The following BMP7 variants were observed in gnomAD, a reference collection of about 807,000 sequenced individuals.
BMP7 encodes the protein bone morphogenetic protein 7.
In BMP7, 12 loss-of-function variants were observed where a neutral mutation model predicts 41.2. The observed-to-expected ratio is 0.29, with a 90% CI of 0.19 to 0.47. The LOEUF (loss-of-function observed/expected upper bound fraction) is 0.47, where lower values mean the gene tolerates loss of function less well. Ranked by LOEUF, BMP7 falls within the 20% of genes least tolerant of loss-of-function variation. BMP7 has a pLI of 0.99. For synonymous variants in BMP7, 248 were observed against 250.0 expected (o/e 0.99, Z 0.07); for missense variants, 467 against 606.0 (o/e 0.77, Z 2.41).
intron 2 of BMP7, among the ~76,000 whole-genome samples, chr20:57,219,655 CAG>C (rs1448040161): frequency 1.3e-5 from 2 of 152,296 alleles, no homozygotes; most frequent in East Asian, 3.9e-4. Flanking sequence ...CCTCAAATGA[CAG>C]GGTATAAACA....
intron 4 of BMP7, among the ~76,000 whole-genome samples, chr20:57,179,710 A>G (rs1984030952): frequency 6.6e-6 from 1 of 152,174 alleles, no homozygotes; most frequent in African/African-American, 2.4e-5. Flanking sequence ...AGGCGTACAC[A>G]CTCACACTCA....
intron 1 of BMP7, among the ~76,000 whole-genome samples, chr20:57,230,193 C>G (rs1024731617): frequency 6.6e-6 from 1 of 152,160 alleles, no homozygotes; most frequent in Non-Finnish European, 1.5e-5. Context: ...ACGCCCCTCA[C>G]GCCCACAAGG....
chr20:57,218,914 CTAG>C (rs1985110629), intron 2 of BMP7, among the ~76,000 whole-genome samples: 1 of 128,224 alleles, frequency 7.8e-6, no homozygotes, highest in African/African-American at 3.0e-5. Context: ...TTGGTGGTAG[CTAG>C]TGTTTGTTCA....
At chr20:57,238,790 A>G (rs765109119) in intron 1 of BMP7, among the ~76,000 whole-genome samples, 5 of 152,126 alleles carry the variant, frequency 3.3e-5, no homozygotes, top group Non-Finnish European at 5.9e-5. Context: ...CACTTCTTAC[A>G]TGGCAGCAGC....
In BMP7 at chr20:57,244,834, C is replaced by T. The variant is rs556987197; in HGVS notation, c.419-16413G>A. On this transcript the variant is annotated intron_variant, in intron 1 of 6. Coordinates refer to ENST00000395863, the MANE Select transcript of BMP7 (RefSeq NM_001719.3). ...GGAGGAGCCTGCTCAGACCTTCCCCCCAGAGCAGCCAGAGAGGCTTGGGTC... is the reference window on the plus strand; with the variant it reads ...GGAGGAGCCTGCTCAGACCTTCCCCTCAGAGCAGCCAGAGAGGCTTGGGTC... Among the ~76,000 whole-genome samples, 14 of 152,326 alleles carry T rather than the reference C, an allele frequency of 9.2e-5. 1 individual carries two copies. In the South Asian group the frequency reaches 2.3e-3, roughly 25 times the overall value.
chr20:57,183,656 C>A, intron 4 of BMP7, 66 bp downstream of exon 4: 1 of 1,601,334 alleles, frequency 6.2e-7, no homozygotes, highest in Non-Finnish European at 8.5e-7. Flanking sequence ...CAGTCTCCTG[C>A]CGGGTCCCGC....
At chr20:57,241,919 G>A (rs541703444) in intron 1 of BMP7, among the ~76,000 whole-genome samples, 1 of 152,190 alleles carries the variant, frequency 6.6e-6, no homozygotes, top group Non-Finnish European at 1.5e-5. Flanking sequence ...CTCTAGAGCT[G>A]AGGCCAGTTC....
intron 4 of BMP7, 77 bp from the exon 5 acceptor site, chr20:57,175,084 T>C: frequency 7.0e-7 from 1 of 1,436,058 alleles, no homozygotes. Flanking sequence ...TCCCTCCATC[T>C]TAGGCAGTGA....
At chr20:57,262,650 G>A (rs957835219) in intron 1 of BMP7, among the ~76,000 whole-genome samples, 2 of 151,648 alleles carry the variant, frequency 1.3e-5, no homozygotes, top group East Asian at 1.9e-4. Flanking sequence ...CACGCAGGCC[G>A]CCTGCCTGCA....
intron 1 of BMP7, among the ~76,000 whole-genome samples, chr20:57,262,286 G>A (rs575157990): frequency 1.3e-5 from 2 of 152,264 alleles, no homozygotes; most frequent in East Asian, 3.9e-4. Context: ...AAGAGGAGTC[G>A]GGGTTGTTAA....
At chr20:57,173,420 A>G (rs1258993255) in intron 5 of BMP7, 110 bp from the exon 6 acceptor site, 87 of 1,064,382 alleles carry the variant, frequency 8.2e-5, no homozygotes, top group Non-Finnish European at 2.4e-5. Context: ...CCAAGGTGGA[A>G]GCCTCAGACC....
At chr20:57,181,851 C>A (rs1390884017) in intron 4 of BMP7, among the ~76,000 whole-genome samples, 4 of 152,236 alleles carry the variant, frequency 2.6e-5, no homozygotes, top group Admixed American at 6.5e-5. Flanking sequence ...CTACACAGAG[C>A]CCGCGTATTG....
At chr20:57,232,600 T>C (rs2066033429) in intron 1 of BMP7, among the ~76,000 whole-genome samples, 1 of 152,208 alleles carries the variant, frequency 6.6e-6, no homozygotes, top group South Asian at 2.1e-4. Flanking sequence ...GAACTGTATC[T>C]TAACTGTTAA....
intron 6 of BMP7, among the ~76,000 whole-genome samples, chr20:57,172,004 G>A (rs932332016): frequency 6.6e-6 from 1 of 152,140 alleles, no homozygotes; most frequent in Non-Finnish European, 1.5e-5. Context: ...GACCACAATC[G>A]CATCATTTCA....
At chr20:57,198,366 G>T (rs1394342616) in intron 3 of BMP7, among the ~76,000 whole-genome samples, 1 of 151,882 alleles carries the variant, frequency 6.6e-6, no homozygotes, top group Non-Finnish European at 1.5e-5. Flanking sequence ...GCACAGCCTG[G>T]GGGCTGGAAC....
At position 57,224,455 on chromosome 20, in the gene BMP7, T is replaced by C. The variant is rs2123113615; in HGVS notation, c.611+3774A>G. On this transcript the variant is annotated intron_variant, in intron 2 of 6. Transcript: ENST00000395863. The surrounding 1 kb of genome is among the most constrained non-coding windows in gnomAD (Gnocchi z 4.8). ...CTACATGTGGGGCAGCGCTGTGGAG[T>C]GGGGCAAGCCTGACACATGCTCAAG... The C allele has an allele frequency of 6.6e-6, 1 of 151,838 alleles. No individual in the cohort carries two copies. The highest frequency in any genetic ancestry group is 3.4e-3 in the Middle Eastern group (1 of 294). The allele number at this position is 151,838 out of a possible 1,614,324, so 9.4% of individuals were successfully genotyped here. A position where few individuals can be genotyped will look rare whatever the true frequency, so the allele number is the denominator to read the frequency against.
rs1230053707 is a variant in BMP7 at position 57,213,692 on chromosome 20, C to CT, written c.612-11070dup. The stretch of plus-strand genomic sequence containing the variant: ...CAGGGGGTGAGAGGCCCGGAATCCT[C>CT]TTTGTGATGAAATCCCCAGAGTGGT... On this transcript the variant is annotated intron_variant, in intron 2 of 6. Coordinates refer to ENST00000395863, the MANE Select transcript of BMP7 (RefSeq NM_001719.3). The surrounding 1 kb of genome is among the most constrained non-coding windows in gnomAD (Gnocchi z 4.4). Among the ~76,000 whole-genome samples, 2 of 152,208 alleles carry CT rather than the reference C, an allele frequency of 1.3e-5. No homozygotes were observed. The highest frequency in any genetic ancestry group is 6.5e-5 in the Admixed American group (1 of 15,286).
chr20:57,246,054 C>G (rs373511340), intron 1 of BMP7, among the ~76,000 whole-genome samples: 1 of 152,062 alleles, frequency 6.6e-6, no homozygotes, highest in African/African-American at 2.4e-5. Flanking sequence ...GGTACAAGTA[C>G]GAGGGGGTTC....
intron 4 of BMP7, among the ~76,000 whole-genome samples, 155 bp downstream of exon 4, chr20:57,183,567 G>A (rs1365143458): frequency 6.6e-6 from 1 of 152,228 alleles, no homozygotes; most frequent in East Asian, 1.9e-4. Context: ...GATGTCCTGT[G>A]TAGGGGTGGA....
Sources: allele counts gnomAD v4.1 joint callset (sites outside exome capture counted in the v4.1 genomes callset), GRCh38; gene constraint gnomAD v4.1.1; non-coding constraint Gnocchi (gnomAD v3.1); transcripts MANE v1.5; gene names NCBI Gene and HGNC (gene_info 2026-07-23, HGNC 2026-07-21).